MYO5C: variants seen among roughly 807,000 people sequenced by gnomAD.
MYO5C encodes the protein myosin VC, also known as unconventional myosin-Vc.
In MYO5C, 194 loss-of-function variants were observed where a neutral mutation model predicts 235.7. The ratio of observed to expected loss-of-function variants is 0.82; its 90% CI spans 0.73 to 0.93. MYO5C has a LOEUF of 0.93. Among genes scored for constraint, MYO5C ranks in the 40% least tolerant of loss-of-function variants. MYO5C has a pLI of 0.00. For synonymous variants in MYO5C, 707 were observed against 754.8 expected (o/e 0.94, Z 1.04); for missense variants, 2,038 against 2,127.2 (o/e 0.96, Z 0.82).
chr15:52,291,826 C>A (rs533362641), intron 1 of MYO5C, among the ~76,000 whole-genome samples: 8 of 140,450 alleles, frequency 5.7e-5, no homozygotes, highest in African/African-American at 2.1e-4. Flanking sequence ...GCAAGCTTCG[C>A]CTCCCGGGTT....
chr15:52,257,826 G>A (rs1057279541), intron 10 of MYO5C, among the ~76,000 whole-genome samples: 3 of 152,124 alleles, frequency 2.0e-5, no homozygotes, highest in Non-Finnish European at 4.4e-5. Context: ...GGTTCCTGCC[G>A]GCTCCTATCA....
intron 9 of MYO5C, among the ~76,000 whole-genome samples, chr15:52,263,132 T>A (rs1416252286): frequency 6.6e-6 from 1 of 152,178 alleles, no homozygotes; most frequent in Non-Finnish European, 1.5e-5. Context: ...AGGAAACAAA[T>A]GTCTATTGTT....
intron 36 of MYO5C, among the ~76,000 whole-genome samples, chr15:52,208,275 G>C (rs1404505945): frequency 3.3e-5 from 5 of 152,198 alleles, no homozygotes; most frequent in African/African-American, 4.8e-5. Context: ...GTATTTTAGA[G>C]TCATAATGCT....
intron 1 of MYO5C, among the ~76,000 whole-genome samples, chr15:52,291,797 G>A (rs1199250763): frequency 7.5e-5 from 10 of 132,874 alleles, no homozygotes; most frequent in Non-Finnish European, 1.4e-4. Flanking sequence ...GGAGTGCAGC[G>A]GCGCGATCTC....
At chr15:52,245,080 T>TAA (rs2141324795) in intron 18 of MYO5C, among the ~76,000 whole-genome samples, 1 of 152,328 alleles carries the variant, frequency 6.6e-6, no homozygotes, top group African/African-American at 2.4e-5. Context: ...ATAAGCCTGG[T>TAA]CCACAGAGGA....
chr15:52,219,922 G>C, intron 30 of MYO5C, 100 bp from the exon 31 acceptor site: 1 of 829,214 alleles, frequency 1.2e-6, no homozygotes. Context: ...CCTAAACTAG[G>C]GGTGTCCGAT....
chr15:52,245,973 T>C lies in MYO5C; in HGVS notation c.2049A>G (p.Ala683=). The C allele has an allele frequency of 6.2e-7, 1 of 1,614,216 alleles. No homozygotes were observed. The highest frequency in any genetic ancestry group is 8.5e-7 in the Non-Finnish European group (1 of 1,180,018). Residue 683 remains alanine (A), a synonymous_variant, in exon 17 of 41, where the codon GCA becomes GCG. Transcript: ENST00000261839. ...CGVLETIRIS[A]QSYPSRWTYI... is the part of the protein sequence containing the mutation. Reference sequence around the variant, plus strand: ...CAACATACCTGGAAGGGTAGCTCTGTGCACTAATGCGAATCGTTTCTAAAA... The same window carrying C: ...CAACATACCTGGAAGGGTAGCTCTGCGCACTAATGCGAATCGTTTCTAAAA...
At chr15:52,202,701 G>A (rs1749751256) in intron 38 of MYO5C, among the ~76,000 whole-genome samples, 1 of 152,082 alleles carries the variant, frequency 6.6e-6, no homozygotes, top group African/African-American at 2.4e-5. Flanking sequence ...GCAAAGACTA[G>A]TCCTTCTGAA....
rs373482737 is a variant in MYO5C, at chr15:52,244,378, A to T, written c.2368T>A (p.Phe790Ile). 33 of 1,613,410 alleles carry T rather than the reference A, an allele frequency of 2.0e-5. No homozygotes were observed. Among genetic ancestry groups the T allele is most frequent in the Non-Finnish European group, 2.6e-5 (31 of 1,179,934 alleles). The change falls in exon 19 of 41, where the codon TTC becomes ATC. Residue 790 changes from phenylalanine to isoleucine, a missense_variant. Physicochemically the swap from Phe to Ile is conservative, Grantham distance 21 (BLOSUM62 0). Coordinates refer to ENST00000261839, the MANE Select transcript of MYO5C (RefSeq NM_018728.4). ...TACCTCACAGTTTGCTGACCCCGGAAGTACTGCTGGATTATCAGGGCGGCT... is the reference window on the plus strand; with the variant it reads ...TACCTCACAGTTTGCTGACCCCGGATGTACTGCTGGATTATCAGGGCGGCT... ...RRAALIIQQY[F>I]RGQQTVRKAI...
Position 52,247,685 on chromosome 15 carries a change from A to G in MYO5C, c.1747-93T>C. 3.5e-6 allele frequency: 5 copies of G among 1,416,002 alleles called. No homozygotes were observed. The South Asian group carries it at 5.4e-5, about 15-fold the overall frequency. The allele number at this position is 1,416,002 out of a possible 1,614,324, so 87.7% of individuals were successfully genotyped here. A position where few individuals can be genotyped will look rare whatever the true frequency, so the allele number is the denominator to read the frequency against. The stretch of plus-strand genomic sequence containing the variant: ...CGTAAATGGTGACAACAACTCAGCT[A>G]AACTAGTGGGCGGTGAACAACCTCA... On this transcript the variant is annotated intron_variant, in intron 14 of 40. Coordinates refer to ENST00000261839, the MANE Select transcript of MYO5C (RefSeq NM_018728.4).
At chr15:52,219,544 A>G (rs539297157) in intron 31 of MYO5C, among the ~76,000 whole-genome samples, 1 of 152,280 alleles carries the variant, frequency 6.6e-6, no homozygotes, top group Admixed American at 6.5e-5. Context: ...GAGGCAACCA[A>G]TGTTTTGTTC....
chr15:52,225,093 A>T lies in MYO5C; in HGVS notation c.3347T>A (p.Ile1116Asn). 6.2e-7 allele frequency: 1 copy of T among 1,614,136 alleles called. No homozygotes were observed. The highest frequency in any genetic ancestry group is 8.5e-7 in the Non-Finnish European group (1 of 1,180,002). ...TGATTACCTGCTTCTTACATCTTCA[A>T]TGTCATAGCTTTCGAGAAGTTGTTT... is the stretch of plus-strand genomic sequence containing the variant. ...ITKQLLESYD[I>N]EDVRSRLSVE... Residue 1116 changes from isoleucine to asparagine, a missense_variant, in exon 27 of 41, where the codon ATT becomes AAT. By Grantham distance (149) the Ile-to-Asn change is moderately radical (BLOSUM62 -3). Transcript: ENST00000261839.
chr15:52,293,730 T>A (rs2037442517), intron 1 of MYO5C, among the ~76,000 whole-genome samples: 1 of 152,110 alleles, frequency 6.6e-6, no homozygotes, highest in Non-Finnish European at 1.5e-5. Flanking sequence ...ACAGCTGGAA[T>A]GACCTGAGAA....
chr15:52,285,344 G>A (rs899150717), intron 1 of MYO5C, among the ~76,000 whole-genome samples: 1 of 151,168 alleles, frequency 6.6e-6, no homozygotes, highest in African/African-American at 2.4e-5. Context: ...CTCCAGCCTG[G>A]GAGACAAGAG....
chr15:52,278,786 C>G (rs2037102654), intron 4 of MYO5C, 87 bp downstream of exon 4: 4 of 1,521,020 alleles, frequency 2.6e-6, no homozygotes, highest in African/African-American at 1.4e-5. Context: ...TGAGCCCAAC[C>G]TAGATATCTC....
intron 10 of MYO5C, among the ~76,000 whole-genome samples, chr15:52,260,221 G>T (rs2036662982): frequency 1.3e-5 from 2 of 152,236 alleles, no homozygotes; most frequent in Admixed American, 1.3e-4. Flanking sequence ...CCAACTCCAG[G>T]GTGGGATGAA....
intron 5 of MYO5C, among the ~76,000 whole-genome samples, chr15:52,273,272 A>G (rs1469286677): frequency 2.0e-5 from 3 of 152,188 alleles, no homozygotes; most frequent in Non-Finnish European, 4.4e-5. Flanking sequence ...GCAGTGAGCT[A>G]TGATTGCACC....
In MYO5C at chr15:52,244,250, T is replaced by TG. The variant is rs2036289298; in HGVS notation, c.2390+105dup. On this transcript the variant is annotated intron_variant, in intron 19 of 40. Transcript: ENST00000261839. ...AGGGGACCCATGCACGTCTGCACCCTGGGTCACAGGAGAAAGGTCCCTTGT... is the reference window on the plus strand; with the variant it reads ...AGGGGACCCATGCACGTCTGCACCCTGGGGTCACAGGAGAAAGGTCCCTTGT... 3.5e-6 allele frequency: 4 copies of TG among 1,127,822 alleles called. No individual in the cohort carries two copies. The South Asian group carries it at 5.8e-5, about 16-fold the overall frequency. 69.9% of individuals were successfully genotyped at this position (1,127,822 alleles called of 1,614,324 possible). A position where few individuals can be genotyped will look rare whatever the true frequency, so the allele number is the denominator to read the frequency against.
chr15:52,273,161 CA>C (rs921010237), intron 5 of MYO5C, among the ~76,000 whole-genome samples: 3 of 151,756 alleles, frequency 2.0e-5, no homozygotes, highest in African/African-American at 7.3e-5. Context: ...CTCTACAAAA[CA>C]TAAAAAAAAA....
Sources: allele counts gnomAD v4.1 joint callset (sites outside exome capture counted in the v4.1 genomes callset), GRCh38; gene constraint gnomAD v4.1.1; transcripts MANE v1.5; gene names NCBI Gene and HGNC (gene_info 2026-07-23, HGNC 2026-07-21).